MAML2: variants seen among roughly 807,000 people sequenced by gnomAD.
MAML2 encodes the protein mastermind-like protein 2.
Under a neutral mutation model 96.1 loss-of-function variants are expected in MAML2, and 22 were observed. The observed-to-expected ratio is 0.23, with a 90% CI of 0.16 to 0.33. The LOEUF is 0.33. Ranked by LOEUF, MAML2 falls within the 10% of genes least tolerant of loss-of-function variation. MAML2 has a pLI of 1.00. For missense variants in MAML2, 1,367 were observed against 1,392.4 expected (o/e 0.98, Z 0.29); for synonymous variants, 561 against 521.3 (o/e 1.08, Z -1.04).
intron 4 of MAML2, among the ~76,000 whole-genome samples, chr11:95,982,104 A>G (rs1355514706): frequency 6.6e-6 from 1 of 152,196 alleles, no homozygotes; most frequent in Non-Finnish European, 1.5e-5. Flanking sequence ...AATGATTTTA[A>G]AAAGAGTTTG....
At chr11:96,018,960 T>C (rs1858396558) in intron 2 of MAML2, among the ~76,000 whole-genome samples, 1 of 152,170 alleles carries the variant, frequency 6.6e-6, no homozygotes, top group Non-Finnish European at 1.5e-5. Flanking sequence ...GCAGTTTCAC[T>C]GGAAATCTAG....
rs377467657 is a variant in MAML2 at position 96,199,089 on chromosome 11, T to G, written c.514-105572A>C. ...GGCGGGCGCCTGTAATCCCAGCTAC[T>G]TAGGAGGCTGAGATGGAGAATTGCT... On this transcript the variant is annotated intron_variant, in intron 1 of 4. Transcript: ENST00000524717. Among the ~76,000 whole-genome samples the G allele has an allele frequency of 4.0e-5, 6 of 150,366 alleles. No homozygotes were observed. In the East Asian group the frequency reaches 5.9e-4, roughly 15 times the overall value.
At chr11:96,034,767 T>C (rs1858685648) in intron 2 of MAML2, among the ~76,000 whole-genome samples, 1 of 152,180 alleles carries the variant, frequency 6.6e-6, no homozygotes, top group African/African-American at 2.4e-5. Context: ...CTCTGAGCAC[T>C]GGACTCAGAC....
chr11:96,326,551 C>G (rs1056869235), intron 1 of MAML2, among the ~76,000 whole-genome samples: 1 of 151,974 alleles, frequency 6.6e-6, no homozygotes, highest in African/African-American at 2.4e-5. Flanking sequence ...AATCCCAGCA[C>G]TTTGGGGGGC....
chr11:96,037,204 AC>A (rs757582115), intron 2 of MAML2, among the ~76,000 whole-genome samples: 41 of 150,510 alleles, frequency 2.7e-4, no homozygotes, highest in South Asian at 6.3e-4. Flanking sequence ...AACAACAACA[AC>A]AAAAAAAATA....
At chr11:96,222,001 T>C (rs1425908716) in intron 1 of MAML2, among the ~76,000 whole-genome samples, 3 of 152,198 alleles carry the variant, frequency 2.0e-5, no homozygotes, top group Admixed American at 6.5e-5. Context: ...CTTTGTCATA[T>C]ATTAATTTGG....
At position 96,091,922 on chromosome 11, in the gene MAML2, C is replaced by A; in HGVS notation, c.2109G>T (p.Met703Ile). The stretch of plus-strand genomic sequence containing the variant: ...TCTGTTGTTGGGAGACTTGGTATCC[C>A]ATTCCTGCAATGGGCTGATTCTGCA... ...QQMQNQPIAG[M>I]GYQVSQQQRQ... Residue 703 changes from methionine to isoleucine, a missense_variant, in exon 2 of 5, where the codon ATG becomes ATT. Physicochemically the swap from Met to Ile is conservative, Grantham distance 10. Transcript: ENST00000524717. The A allele has an allele frequency of 6.2e-7, 1 of 1,613,404 alleles. No individual in the cohort carries two copies. The highest frequency in any genetic ancestry group is 8.5e-7 in the Non-Finnish European group (1 of 1,179,682).
intron 1 of MAML2, among the ~76,000 whole-genome samples, chr11:96,155,663 A>T (rs1861001204): frequency 6.6e-6 from 1 of 151,126 alleles, no homozygotes; most frequent in African/African-American, 2.4e-5. Flanking sequence ...ATGAATGCTT[A>T]CTGGAAGCCT....
rs1281207752 is a variant in MAML2, at chr11:96,140,731, C to G, written c.514-47214G>C. Among the ~76,000 whole-genome samples, 3 of 152,166 alleles carry G rather than the reference C, an allele frequency of 2.0e-5. No homozygotes were observed. In the East Asian group the frequency reaches 5.8e-4, roughly 29 times the overall value. On this transcript the variant is annotated intron_variant, in intron 1 of 4. Transcript: ENST00000524717. Reference sequence around the variant, plus strand: ...TCTACATGACAGATACCTCCAGAGTCTAGAACTTGAGGGTCAGGCGGCTCT... The same window carrying G: ...TCTACATGACAGATACCTCCAGAGTGTAGAACTTGAGGGTCAGGCGGCTCT...
rs1428204030 is a variant in MAML2 at position 96,269,480 on chromosome 11, T to C, written c.513+71903A>G. 7.6e-5 allele frequency among the ~76,000 whole-genome samples: 11 copies of C among 144,570 alleles called. 1 individual carries two copies. The highest frequency in any genetic ancestry group is 1.3e-4 in the Non-Finnish European group (9 of 66,832). 94.8% of individuals were successfully genotyped at this position (144,570 alleles called of 152,430 possible). ...CCTAGTAAGTATATATATAATCCAT[T>C]AAAAACCTCTTTTTGCTTTATTTTT... On this transcript the variant is annotated intron_variant, in intron 1 of 4. Transcript: ENST00000524717.
rs528560836 is a variant in MAML2, at chr11:96,061,023, A to G, written c.2139+30869T>C. Among the ~76,000 whole-genome samples, 10 of 152,320 alleles carry G rather than the reference A, an allele frequency of 6.6e-5. No homozygotes were observed. In the South Asian group the frequency reaches 1.5e-3, roughly 22 times the overall value. ...CTAGAACGAGCTTTCTTAATCCCCA[A>G]GTTATTCTGGCTCTGAAATATAAAC... On this transcript the variant is annotated intron_variant, in intron 2 of 4. Transcript: ENST00000524717.
At chr11:96,191,460 G>A (rs1458116898) in intron 1 of MAML2, among the ~76,000 whole-genome samples, 19 of 137,140 alleles carry the variant, frequency 1.4e-4, no homozygotes, top group African/African-American at 5.2e-4. Context: ...GCGAGAATCC[G>A]TCTCAAAAAA....
chr11:96,012,886 A>T (rs1265884729), intron 2 of MAML2, among the ~76,000 whole-genome samples: 1 of 152,212 alleles, frequency 6.6e-6, no homozygotes, highest in African/African-American at 2.4e-5. Context: ...AAGGCAACAG[A>T]ATTATAAAGT....
At chr11:96,168,967 A>G (rs1009590997) in intron 1 of MAML2, among the ~76,000 whole-genome samples, 2 of 152,248 alleles carry the variant, frequency 1.3e-5, no homozygotes, top group African/African-American at 2.4e-5. Flanking sequence ...GAACTACACC[A>G]TAAGTTTCAT....
intron 1 of MAML2, among the ~76,000 whole-genome samples, chr11:96,127,421 T>C (rs933611359): frequency 6.6e-6 from 1 of 152,170 alleles, no homozygotes; most frequent in African/African-American, 2.4e-5. Flanking sequence ...GTTACCTGAG[T>C]GAGCTGTTAA....
At chr11:96,052,124 G>C (rs1207465775) in intron 2 of MAML2, among the ~76,000 whole-genome samples, 2 of 152,158 alleles carry the variant, frequency 1.3e-5, no homozygotes, top group Non-Finnish European at 1.5e-5. Context: ...AGACCTCTCA[G>C]TGGCTTTAGC....
Position 96,232,888 on chromosome 11 carries a change from T to C in MAML2, c.513+108495A>G, listed in dbSNP as rs533008620. Among the ~76,000 whole-genome samples, 8 of 152,296 alleles carry C rather than the reference T, an allele frequency of 5.3e-5. No individual in the cohort carries two copies. In the South Asian group the frequency reaches 1.5e-3, roughly 28 times the overall value. ...GGGCCAACATACTCTCTTACTTCCT[T>C]CAAAATGAAACCTGAAAATTGATGA... On this transcript the variant is annotated intron_variant, in intron 1 of 4. Transcript: ENST00000524717.
intron 1 of MAML2, among the ~76,000 whole-genome samples, chr11:96,266,313 G>T (rs191477070): frequency 6.6e-6 from 1 of 152,152 alleles, no homozygotes; most frequent in African/African-American, 2.4e-5. Context: ...GCTCACACCT[G>T]TAATCCCAGC....
chr11:96,203,021 A>G (rs1466980417), intron 1 of MAML2, among the ~76,000 whole-genome samples: 1 of 152,250 alleles, frequency 6.6e-6, no homozygotes, highest in African/African-American at 2.4e-5. Flanking sequence ...ATATGTTGAA[A>G]AAAAGGAATC....
Sources: gnomAD v4.1 joint callset for allele counts (sites outside exome capture counted in the v4.1 genomes callset) on GRCh38, gnomAD v4.1.1 for gene constraint, MANE v1.5 for transcripts, NCBI Gene and HGNC (gene_info 2026-07-23, HGNC 2026-07-21) for gene names.